DPP6: variants seen among roughly 807,000 people sequenced by gnomAD.
DPP6 encodes A-type potassium channel modulatory protein DPP6.
Under a neutral mutation model 122.6 loss-of-function variants are expected in DPP6, and 69 were observed. That is an observed-to-expected ratio of 0.56 (90% CI 0.46 to 0.69). The LOEUF is 0.69. Ranked by LOEUF, DPP6 falls within the 30% of genes least tolerant of loss-of-function variation. DPP6 has a pLI of 0.00. For synonymous variants in DPP6, 418 were observed against 433.1 expected, an observed-to-expected ratio of 0.97 and a Z score of 0.43; for missense variants, 928 against 1,116.9, an observed-to-expected ratio of 0.83 and a Z score of 2.41.
At chr7:154,262,069 G>A (rs1157246996) in intron 1 of DPP6, among the ~76,000 whole-genome samples, 1 of 152,006 alleles carries the variant, frequency 6.6e-6, no homozygotes, top group African/African-American at 2.4e-5. Context: ...TGGATTCAGT[G>A]TTTTGAAGTT....
intron 3 of DPP6, among the ~76,000 whole-genome samples, chr7:154,508,843 T>C (rs1223284087): frequency 6.6e-6 from 1 of 152,226 alleles, no homozygotes; most frequent in East Asian, 1.9e-4. Context: ...ATAATGCATG[T>C]GAAAATGCTT....
intron 6 of DPP6, among the ~76,000 whole-genome samples, chr7:154,641,852 T>G (rs1358582418): frequency 6.6e-6 from 1 of 152,174 alleles, no homozygotes; most frequent in African/African-American, 2.4e-5. Context: ...AACTGCTGGG[T>G]GTTCAAAGGC....
At chr7:154,225,544 G>A (rs945511285) in intron 1 of DPP6, among the ~76,000 whole-genome samples, 3 of 151,418 alleles carry the variant, frequency 2.0e-5, no homozygotes, top group Admixed American at 6.6e-5. Context: ...ATTCATTGGT[G>A]TTTTTCCCTT....
intron 1 of DPP6, among the ~76,000 whole-genome samples, chr7:154,313,682 A>ACGG: frequency 5.1e-5 from 1 of 19,558 alleles, no homozygotes; most frequent in Non-Finnish European, 8.4e-5. Flanking sequence ...ATTTTAAGAT[A>ACGG]TGGTATATAT....
intron 6 of DPP6, among the ~76,000 whole-genome samples, chr7:154,664,642 T>G (rs898281053): frequency 2.9e-4 from 44 of 151,296 alleles, no homozygotes; most frequent in African/African-American, 9.0e-4. Context: ...TGTGCTGTGC[T>G]CCATATGGAA....
chr7:154,017,988 G>T (rs1210716382), intron 1 of DPP6, among the ~76,000 whole-genome samples: 1 of 152,188 alleles, frequency 6.6e-6, no homozygotes, highest in Non-Finnish European at 1.5e-5. Flanking sequence ...CTGGCAGAGT[G>T]CAGGGCCAGA....
chr7:154,289,646 A>G (rs1167234903), intron 1 of DPP6, among the ~76,000 whole-genome samples: 3 of 152,180 alleles, frequency 2.0e-5, no homozygotes, highest in African/African-American at 7.2e-5. Flanking sequence ...TGATTCTGCA[A>G]CTCATAAATA....
intron 4 of DPP6, among the ~76,000 whole-genome samples, chr7:154,557,638 GA>G (rs1830140329): frequency 6.6e-6 from 1 of 152,104 alleles, no homozygotes; most frequent in Non-Finnish European, 1.5e-5. Flanking sequence ...TATAAAATGG[GA>G]TAAAATGTGG....
chr7:154,461,192 A>C (rs928131385), intron 2 of DPP6, among the ~76,000 whole-genome samples: 1 of 152,156 alleles, frequency 6.6e-6, no homozygotes, highest in Admixed American at 6.6e-5. Flanking sequence ...CAAATGACAA[A>C]TCTCATTCAT....
In DPP6 at chr7:154,534,122, A is replaced by G. The variant is rs1024297274; in HGVS notation, c.458-6410A>G. On this transcript the variant is annotated intron_variant, in intron 3 of 25. Coordinates refer to ENST00000377770, the MANE Select transcript of DPP6 (RefSeq NM_130797.4). ...AACATAGCTCACTGTATTAATGACA[A>G]TAAAAGAGAAACCTCATAAGATAAT... Among the ~76,000 whole-genome samples the G allele has an allele frequency of 4.6e-5, 7 of 152,220 alleles. No homozygotes were observed. The South Asian group carries it at 1.2e-3, about 27-fold the overall frequency.
chr7:154,813,039 A>G (rs961370796), intron 16 of DPP6, among the ~76,000 whole-genome samples: 1 of 151,986 alleles, frequency 6.6e-6, no homozygotes, highest in Non-Finnish European at 1.5e-5. Context: ...TAGGTTAATA[A>G]TAATTACTAT....
At chr7:154,331,741 G>T in intron 1 of DPP6, among the ~76,000 whole-genome samples, 1 of 152,154 alleles carries the variant, frequency 6.6e-6, no homozygotes, top group African/African-American at 2.4e-5. Context: ...CACACAGCAG[G>T]TGTGGCCAAA....
intron 5 of DPP6, chr7:154,587,511 CT>C: frequency 1.1e-6 from 1 of 881,716 alleles, no homozygotes. Flanking sequence ...TGTACCTCTG[CT>C]TGAAGACCCA....
chr7:154,321,865 T>C (rs1807996329), intron 1 of DPP6, among the ~76,000 whole-genome samples: 1 of 151,514 alleles, frequency 6.6e-6, no homozygotes. Context: ...GTAGCGGCCT[T>C]AGACCCTTGT....
chr7:154,799,756 T>C (rs2140899), intron 12 of DPP6, among the ~76,000 whole-genome samples: 17,103 of 152,232 alleles, frequency 0.11, 1,257 homozygotes, highest in African/African-American at 0.2. Context: ...AATTCTGTTA[T>C]CCAGAGAGAC....
the DPP6 span, among the ~76,000 whole-genome samples, chr7:153,821,959 C>T: frequency 1.3e-5 from 2 of 152,110 alleles, no homozygotes; most frequent in African/African-American, 4.8e-5. Flanking sequence ...ACCTACAGCG[C>T]AAGCCTCTCC....
At chr7:153,855,005 G>A in the DPP6 span, among the ~76,000 whole-genome samples, 6 of 139,984 alleles carry the variant, frequency 4.3e-5, no homozygotes, top group African/African-American at 8.0e-5. Flanking sequence ...ACCAAACACC[G>A]CATATTCTCA....
intron 1 of DPP6, among the ~76,000 whole-genome samples, chr7:154,249,530 T>C (rs1802215175): frequency 6.6e-6 from 1 of 152,230 alleles, no homozygotes; most frequent in Admixed American, 6.5e-5. Context: ...GAATCCTGAT[T>C]ATTTCATGAG....
At chr7:154,453,421 T>C (rs1209691824) in intron 2 of DPP6, among the ~76,000 whole-genome samples, 1 of 152,188 alleles carries the variant, frequency 6.6e-6, no homozygotes, top group Non-Finnish European at 1.5e-5. Flanking sequence ...CACTGTTTAA[T>C]GTCTGTGACC....
Sources: allele counts gnomAD v4.1 joint callset (sites outside exome capture counted in the v4.1 genomes callset), GRCh38; gene constraint gnomAD v4.1.1; transcripts MANE v1.5; gene names NCBI Gene and HGNC (gene_info 2026-07-23, HGNC 2026-07-21).